The following MICU1 variants were observed in gnomAD, a reference collection of about 807,000 sequenced individuals.
MICU1 encodes mitochondrial calcium uptake 1.
Under a neutral mutation model 56.8 loss-of-function variants are expected in MICU1, and 45 were observed. That is an observed-to-expected ratio of 0.79 (90% CI 0.62 to 1.02). The LOEUF is 1.02. Ranked by LOEUF, MICU1 falls within the 50% of genes least tolerant of loss-of-function variation. The probability of loss-of-function intolerance (pLI) is 0.00; values close to 1 mark genes in which losing one functional copy is unlikely to be tolerated. For synonymous variants in MICU1, 186 were observed against 195.1 expected (o/e 0.95, Z 0.39); for missense variants, 504 against 587.1 (o/e 0.86, Z 1.46).
intron 10 of MICU1, chr10:72,392,009 A>C (rs781046137): frequency 7.2e-5 from 11 of 152,280 alleles, no homozygotes; most frequent in Admixed American, 3.3e-4. Flanking sequence ...TGATTTGGAG[A>C]AGATTAGCAT....
chr10:72,538,059 C>A (rs1015358159), intron 4 of MICU1, among the ~76,000 whole-genome samples: 31 of 152,188 alleles, frequency 2.0e-4, no homozygotes, highest in South Asian at 4.1e-4. Context: ...TTATTCAGTT[C>A]TTTTCTTTCA....
intron 1 of MICU1, among the ~76,000 whole-genome samples, chr10:72,619,455 A>C (rs1363358047): frequency 1.3e-5 from 2 of 152,192 alleles, no homozygotes; most frequent in African/African-American, 2.4e-5. Flanking sequence ...AAAAAACTAA[A>C]TAAATAAATA....
At chr10:72,577,355 C>T (rs1840774432) in intron 1 of MICU1, among the ~76,000 whole-genome samples, 1 of 151,608 alleles carries the variant, frequency 6.6e-6, no homozygotes, top group African/African-American at 2.4e-5. Context: ...ACTAAAAATA[C>T]AAAATTAGCC....
At chr10:72,617,033 T>C (rs1242405299) in intron 1 of MICU1, among the ~76,000 whole-genome samples, 1 of 152,230 alleles carries the variant, frequency 6.6e-6, no homozygotes, top group Non-Finnish European at 1.5e-5. Context: ...CTGCACAATG[T>C]TCAAAATCTA....
chr10:72,550,163 G>A lies in MICU1; in HGVS notation c.493+1016C>T, dbSNP rs921536664. On this transcript the variant is annotated intron_variant, in intron 4 of 11. Coordinates refer to ENST00000361114, the MANE Select transcript of MICU1 (RefSeq NM_001195518.2). The stretch of plus-strand genomic sequence containing the variant: ...ATTTAGTGTAGTCTAAGTATACAAC[G>A]TTTATAAAATCTACAGGTGCACTAT... Among the ~76,000 whole-genome samples, 8 of 152,024 alleles carry A rather than the reference G, an allele frequency of 5.3e-5. No homozygotes were observed. In the South Asian group the frequency reaches 1.0e-3, roughly 20 times the overall value.
chr10:72,398,054 G>A (rs574258164), intron 10 of MICU1, among the ~76,000 whole-genome samples: 70 of 152,316 alleles, frequency 4.6e-4, no homozygotes, highest in Non-Finnish European at 8.4e-4. Flanking sequence ...TTCAGCAAAT[G>A]TAAAAGAACA....
intron 11 of MICU1, among the ~76,000 whole-genome samples, chr10:72,374,408 G>A (rs1456992368): frequency 6.6e-6 from 1 of 152,198 alleles, no homozygotes; most frequent in Non-Finnish European, 1.5e-5. Context: ...TTACAGGTAT[G>A]AGCCACCACG....
Position 72,462,517 on chromosome 10 carries a change from A to G in MICU1, c.933+12583T>C, listed in dbSNP as rs539107027. 5.3e-5 allele frequency among the ~76,000 whole-genome samples: 8 copies of G among 152,314 alleles called. No individual in the cohort carries two copies. The South Asian group carries it at 1.7e-3, about 32-fold the overall frequency. On this transcript the variant is annotated intron_variant, in intron 8 of 11. Transcript: ENST00000361114. ...TATGTACTCAAACTTTTGTTTGAAT[A>G]TATACTACACATATGCTCGAGACTG... is the stretch of plus-strand genomic sequence containing the variant.
rs573530622 is a variant in MICU1 at position 72,588,814 on chromosome 10, A to C, written c.-1-22020T>G. On this transcript the variant is annotated intron_variant, in intron 1 of 11. Transcript: ENST00000361114. The stretch of plus-strand genomic sequence containing the variant: ...ATCTCCACCCAGTTATGACAACCAA[A>C]AATGTCTTTAGACATTAACAAGCTC... Among the ~76,000 whole-genome samples, 187 of 152,288 alleles carry C rather than the reference A, an allele frequency of 1.2e-3. 1 individual carries two copies. Among genetic ancestry groups the C allele is most frequent in the African/African-American group, 4.0e-3 (168 of 41,560 alleles).
chr10:72,549,826 G>A lies in MICU1; in HGVS notation c.493+1353C>T, dbSNP rs543211247. Among the ~76,000 whole-genome samples the A allele has an allele frequency of 1.2e-3, 186 of 150,810 alleles. 1 individual carries two copies. The highest frequency in any genetic ancestry group is 4.1e-3 in the African/African-American group (167 of 40,964). ...CATGCCTGTAATGCCAGCTACTCAG[G>A]AGGCAAGGCTGGAGAATCGCTTGAA... On this transcript the variant is annotated intron_variant, in intron 4 of 11. Coordinates refer to ENST00000361114, the MANE Select transcript of MICU1 (RefSeq NM_001195518.2).
At chr10:72,387,343 A>C (rs1862923663) in intron 10 of MICU1, among the ~76,000 whole-genome samples, 1 of 152,228 alleles carries the variant, frequency 6.6e-6, no homozygotes, top group Non-Finnish European at 1.5e-5. Context: ...CTCTTACTAG[A>C]GTATTTCATC....
intron 9 of MICU1, among the ~76,000 whole-genome samples, chr10:72,414,974 C>T (rs1174676228): frequency 1.3e-5 from 2 of 151,844 alleles, no homozygotes; most frequent in Non-Finnish European, 2.9e-5. Flanking sequence ...ATGCCTCTCA[C>T]CATTCTTGTC....
chr10:72,515,911 G>A (rs764728542), intron 5 of MICU1, among the ~76,000 whole-genome samples: 1 of 152,032 alleles, frequency 6.6e-6, no homozygotes, highest in Non-Finnish European at 1.5e-5. Flanking sequence ...TGATATAAAT[G>A]GTATCACTAG....
At chr10:72,552,980 T>C (rs2132447943) in intron 3 of MICU1, among the ~76,000 whole-genome samples, 1 of 152,250 alleles carries the variant, frequency 6.6e-6, no homozygotes, top group East Asian at 1.9e-4. Context: ...CTACCACATG[T>C]GCTTTTAGCA....
At chr10:72,432,835 C>T (rs1007416313) in intron 8 of MICU1, among the ~76,000 whole-genome samples, 3 of 152,138 alleles carry the variant, frequency 2.0e-5, no homozygotes, top group African/African-American at 2.4e-5. Flanking sequence ...TTGTAGGGGA[C>T]GAATATCCAA....
At chr10:72,443,226 T>G (rs1864997215) in intron 8 of MICU1, among the ~76,000 whole-genome samples, 1 of 152,184 alleles carries the variant, frequency 6.6e-6, no homozygotes, top group Admixed American at 6.6e-5. Context: ...TGTTTGTTTT[T>G]TCCTTGTAAA....
At chr10:72,515,253 C>G (rs754919660) in intron 5 of MICU1, among the ~76,000 whole-genome samples, 2 of 152,136 alleles carry the variant, frequency 1.3e-5, no homozygotes, top group Admixed American at 6.5e-5. Context: ...TCTTTTAAAG[C>G]GTTCTCCTGG....
At chr10:72,419,308 G>C (rs1864081468) in intron 9 of MICU1, among the ~76,000 whole-genome samples, 2 of 152,196 alleles carry the variant, frequency 1.3e-5, no homozygotes, top group Non-Finnish European at 2.9e-5. Flanking sequence ...ATTTCCAACA[G>C]ATATAAGCTA....
chr10:72,415,725 A>C (rs141337589), intron 9 of MICU1, among the ~76,000 whole-genome samples: 3 of 152,224 alleles, frequency 2.0e-5, no homozygotes, highest in African/African-American at 7.2e-5. Context: ...CTATCTTCCT[A>C]AGAATCTTAG....
Sources: gnomAD v4.1 joint callset for allele counts (sites outside exome capture counted in the v4.1 genomes callset) on GRCh38, gnomAD v4.1.1 for gene constraint, MANE v1.5 for transcripts, NCBI Gene and HGNC (gene_info 2026-07-23, HGNC 2026-07-21) for gene names.